LUZP2: variants seen among roughly 807,000 people sequenced by gnomAD.
LUZP2 encodes leucine zipper protein 2.
LUZP2 carries 52 observed loss-of-function variants against 51.6 expected under a neutral mutation model. That is an observed-to-expected ratio of 1.01 (90% CI 0.81 to 1.27). The LOEUF (loss-of-function observed/expected upper bound fraction) is 1.27, where lower values mean the gene tolerates loss of function less well. Ranked by LOEUF, LUZP2 falls within the 50% of genes most tolerant of loss-of-function variation. The probability of loss-of-function intolerance (pLI) is 0.00; values close to 1 mark genes in which losing one functional copy is unlikely to be tolerated. For synonymous variants in LUZP2, 154 were observed against 137.3 expected (o/e 1.12, Z -0.85); for missense variants, 436 against 395.4 (o/e 1.10, Z -0.87).
chr11:24,550,897 G>A (rs906388230), intron 1 of LUZP2, among the ~76,000 whole-genome samples: 2 of 151,902 alleles, frequency 1.3e-5, no homozygotes, highest in Non-Finnish European at 2.9e-5. Context: ...TATGATAGAT[G>A]GGGCCACTGC....
chr11:24,957,818 T>A (rs1458298121), intron 7 of LUZP2, among the ~76,000 whole-genome samples: 1 of 152,134 alleles, frequency 6.6e-6, no homozygotes, highest in Non-Finnish European at 1.5e-5. Flanking sequence ...GTTAGTTACA[T>A]ATGTATACAT....
chr11:24,905,340 C>A (rs770534151), intron 5 of LUZP2, among the ~76,000 whole-genome samples: 11 of 152,108 alleles, frequency 7.2e-5, no homozygotes, highest in Non-Finnish European at 1.5e-4. Flanking sequence ...GCCTGGCCAA[C>A]ATGGCGAAAC....
intron 5 of LUZP2, among the ~76,000 whole-genome samples, chr11:24,874,646 C>G (rs536542267): frequency 4.7e-4 from 72 of 152,234 alleles, no homozygotes; most frequent in Non-Finnish European, 8.1e-4. Flanking sequence ...TTTCTCATCA[C>G]ATGGATAAGT....
intron 1 of LUZP2, among the ~76,000 whole-genome samples, chr11:24,671,833 T>C (rs1856410178): frequency 6.6e-6 from 1 of 152,170 alleles, no homozygotes; most frequent in African/African-American, 2.4e-5. Context: ...GTAGCCCATG[T>C]AATCAATAGG....
chr11:24,741,367 C>A (rs973478511), intron 4 of LUZP2, among the ~76,000 whole-genome samples: 6 of 151,942 alleles, frequency 3.9e-5, no homozygotes, highest in African/African-American at 1.4e-4. Flanking sequence ...CAAAGGCTTG[C>A]ATTTTCTTAA....
chr11:24,552,933 AT>A lies in LUZP2; in HGVS notation c.62+55629del, dbSNP rs559905880. ...ACTTTATTTTAAATTATAAATAAATATGAAAATGAAGGAAAATATTTTAAAT... is the reference window on the plus strand; with the variant it reads ...ACTTTATTTTAAATTATAAATAAATAGAAAATGAAGGAAAATATTTTAAAT... On this transcript the variant is annotated intron_variant, in intron 1 of 11. Coordinates refer to ENST00000336930, the MANE Select transcript of LUZP2 (RefSeq NM_001009909.4). Among the ~76,000 whole-genome samples, 48 of 151,354 alleles carry A rather than the reference AT, an allele frequency of 3.2e-4. No homozygotes were observed. In the East Asian group the frequency reaches 7.4e-3, roughly 23 times the overall value.
chr11:24,749,921 A>G (rs1315462369), intron 4 of LUZP2, among the ~76,000 whole-genome samples: 1 of 152,108 alleles, frequency 6.6e-6, no homozygotes, highest in Non-Finnish European at 1.5e-5. Flanking sequence ...CAGCTTTCAG[A>G]TGGCCTATCA....
At chr11:24,911,916 C>T (rs929695431) in intron 6 of LUZP2, among the ~76,000 whole-genome samples, 2 of 152,052 alleles carry the variant, frequency 1.3e-5, no homozygotes, top group East Asian at 1.9e-4. Context: ...TCTTTTTGTT[C>T]TTCTTATGCA....
At chr11:24,577,666 A>G (rs1023019970) in intron 1 of LUZP2, among the ~76,000 whole-genome samples, 1 of 152,174 alleles carries the variant, frequency 6.6e-6, no homozygotes, top group African/African-American at 2.4e-5. Flanking sequence ...ATAAATGTAA[A>G]TTCTGTGACA....
intron 5 of LUZP2, among the ~76,000 whole-genome samples, chr11:24,789,113 C>T (rs1849333896): frequency 6.6e-6 from 1 of 152,128 alleles, no homozygotes; most frequent in African/African-American, 2.4e-5. Context: ...GTACATTTCA[C>T]CCATTATTAC....
At chr11:24,652,094 G>GTATGTGTGTA (rs1165911685) in intron 1 of LUZP2, among the ~76,000 whole-genome samples, 4 of 108,334 alleles carry the variant, frequency 3.7e-5, no homozygotes, top group African/African-American at 1.0e-4. Context: ...CACATGTTGT[G>GTATGTGTGTA]CATGTGTGTA....
intron 5 of LUZP2, among the ~76,000 whole-genome samples, chr11:24,880,159 G>C (rs1852414476): frequency 6.6e-6 from 1 of 152,170 alleles, no homozygotes; most frequent in Non-Finnish European, 1.5e-5. Flanking sequence ...TTCCCCTCTG[G>C]CTAGGACTGG....
rs139580773 is a variant in LUZP2 at position 24,503,711 on chromosome 11, G to A, written c.62+6406G>A. 2.8e-3 allele frequency among the ~76,000 whole-genome samples: 429 copies of A among 152,244 alleles called. 4 individuals are homozygous for A. Among genetic ancestry groups the A allele is most frequent in the Non-Finnish European group, 1.2e-3 (84 of 68,008 alleles). On this transcript the variant is annotated intron_variant, in intron 1 of 11. Transcript: ENST00000336930. ...GGGTGACTGAGACTTGCCCAAGGTC[G>A]TAAAGGGAAACAAACTAGAACCCAG...
intron 5 of LUZP2, among the ~76,000 whole-genome samples, chr11:24,773,073 A>G (rs1328562131): frequency 9.1e-6 from 1 of 109,838 alleles, no homozygotes; most frequent in Non-Finnish European, 2.0e-5. Context: ...TTCCTCATAA[A>G]CAGTGTAGTT....
intron 3 of LUZP2, among the ~76,000 whole-genome samples, chr11:24,737,408 A>G (rs1428236500): frequency 1.3e-5 from 2 of 152,046 alleles, no homozygotes; most frequent in Non-Finnish European, 1.5e-5. Context: ...GCTTTGAGAG[A>G]ATTTCTGTAG....
chr11:24,502,779 A>T (rs551704459), intron 1 of LUZP2, among the ~76,000 whole-genome samples: 29 of 152,344 alleles, frequency 1.9e-4, no homozygotes, highest in African/African-American at 7.0e-4. Flanking sequence ...GATTTAGCAT[A>T]AAAGTGAATA....
intron 6 of LUZP2, among the ~76,000 whole-genome samples, chr11:24,913,823 A>C (rs544697437): frequency 6.6e-6 from 1 of 152,192 alleles, no homozygotes; most frequent in African/African-American, 2.4e-5. Flanking sequence ...TAATGTTAGT[A>C]ATTGGGACTG....
At chr11:24,619,004 CATTA>C (rs1464158859) in intron 1 of LUZP2, among the ~76,000 whole-genome samples, 97 of 133,398 alleles carry the variant, frequency 7.3e-4, no homozygotes, top group African/African-American at 2.4e-3. Flanking sequence ...AACCACTTAG[CATTA>C]TTTATTTATT....
intron 5 of LUZP2, among the ~76,000 whole-genome samples, chr11:24,897,318 A>G (rs1590703221): frequency 6.6e-6 from 1 of 152,116 alleles, no homozygotes; most frequent in Non-Finnish European, 1.5e-5. Flanking sequence ...AGTAGTAGCA[A>G]CCCGCCTCTG....
Sources: allele counts gnomAD v4.1 joint callset (sites outside exome capture counted in the v4.1 genomes callset), GRCh38; gene constraint gnomAD v4.1.1; transcripts MANE v1.5; gene names NCBI Gene and HGNC (gene_info 2026-07-23, HGNC 2026-07-21).